Variants in CDH12 observed in about 807,000 individuals in gnomAD.
CDH12 encodes the protein cadherin-12.
CDH12 carries 41 observed loss-of-function variants against 74.1 expected under a neutral mutation model. The ratio of observed to expected loss-of-function variants is 0.55; its 90% confidence interval spans 0.43 to 0.72. CDH12 has a LOEUF of 0.72. Ranked by LOEUF, CDH12 falls within the 30% of genes least tolerant of loss-of-function variation. The probability of loss-of-function intolerance (pLI) is 0.00; values close to 1 mark genes in which losing one functional copy is unlikely to be tolerated. For synonymous variants in CDH12, 399 were observed against 355.0 expected, an observed-to-expected ratio of 1.12 and a Z score of -1.39; for missense variants, 945 against 977.2, an observed-to-expected ratio of 0.97 and a Z score of 0.44.
intron 10 of CDH12, among the ~76,000 whole-genome samples, chr5:21,798,472 G>C (rs987123392): frequency 2.0e-5 from 3 of 152,090 alleles, no homozygotes; most frequent in Non-Finnish European, 4.4e-5. Flanking sequence ...AGCTTTTTTA[G>C]AGTTCTCTCC....
chr5:22,026,690 T>G (rs1328709743), intron 5 of CDH12, among the ~76,000 whole-genome samples: 1 of 152,280 alleles, frequency 6.6e-6, no homozygotes, highest in East Asian at 1.9e-4. Flanking sequence ...TTCATTATAC[T>G]TATCCATATA....
chr5:21,765,218 T>C, intron 11 of CDH12, 119 bp from the exon 12 acceptor site: 1 of 787,554 alleles, frequency 1.3e-6, no homozygotes, highest in Non-Finnish European at 1.8e-6. Context: ...AAAAAATCCT[T>C]CTTATAGGAA....
intron 2 of CDH12, among the ~76,000 whole-genome samples, chr5:22,425,959 T>A (rs913807533): frequency 9.9e-5 from 15 of 151,854 alleles, no homozygotes; most frequent in Admixed American, 2.6e-4. Flanking sequence ...GAGGCTGAGG[T>A]GAGCGGATCA....
chr5:22,839,338 T>C (rs1212796842), intron 1 of CDH12, among the ~76,000 whole-genome samples: 1 of 150,660 alleles, frequency 6.6e-6, no homozygotes, highest in East Asian at 2.0e-4. Context: ...TAGTTTACAA[T>C]CAAAATTACT....
At chr5:22,480,339 T>C (rs1199910857) in intron 2 of CDH12, among the ~76,000 whole-genome samples, 1 of 151,956 alleles carries the variant, frequency 6.6e-6, no homozygotes, top group African/African-American at 2.4e-5. Flanking sequence ...TCCCAGCACT[T>C]TGCAAGGCCA....
chr5:21,954,556 T>C (rs995740), intron 6 of CDH12, among the ~76,000 whole-genome samples: 25,712 of 152,100 alleles, frequency 0.17, 2,546 homozygotes, highest in African/African-American at 0.27. Context: ...AAGTAATATT[T>C]TAAAAGTTGT....
chr5:22,307,487 T>C (rs1738163096), intron 3 of CDH12, among the ~76,000 whole-genome samples: 1 of 152,188 alleles, frequency 6.6e-6, no homozygotes, highest in Admixed American at 6.5e-5. Context: ...GATTTTCAAC[T>C]ATTTCTTCTT....
intron 8 of CDH12, among the ~76,000 whole-genome samples, chr5:21,832,905 TATG>T (rs1441586749): frequency 1.2e-4 from 10 of 81,924 alleles, no homozygotes; most frequent in African/African-American, 8.5e-4. Context: ...TCATATAATA[TATG>T]ATATAATATT....
chr5:21,897,778 C>T (rs185185009), intron 6 of CDH12, among the ~76,000 whole-genome samples: 1 of 152,118 alleles, frequency 6.6e-6, no homozygotes, highest in Non-Finnish European at 1.5e-5. Context: ...TTAAAAAATA[C>T]AAATAAAAGC....
At chr5:22,726,784 C>A (rs1689596475) in intron 1 of CDH12, among the ~76,000 whole-genome samples, 2 of 151,626 alleles carry the variant, frequency 1.3e-5, no homozygotes, top group Admixed American at 1.3e-4. Flanking sequence ...GAGCTTTCTT[C>A]CTGGACAAAA....
Position 22,387,095 on chromosome 5 carries a change from T to G in CDH12, c.-333+18162A>C, listed in dbSNP as rs369992227. On this transcript the variant is annotated intron_variant, in intron 3 of 14. Coordinates refer to ENST00000382254, the MANE Select transcript of CDH12 (RefSeq NM_004061.5). ...GGAAATTAAAATTAAAATTTGAGCT[T>G]CTTTTCTACAAACTGATGAAGTTAT... 4.3e-4 allele frequency among the ~76,000 whole-genome samples: 65 copies of G among 152,118 alleles called. No homozygotes were observed. In the South Asian group the frequency reaches 0.013, roughly 31 times the overall value.
At chr5:22,345,884 G>A (rs1740087181) in intron 3 of CDH12, among the ~76,000 whole-genome samples, 1 of 152,078 alleles carries the variant, frequency 6.6e-6, no homozygotes, top group South Asian at 2.1e-4. Flanking sequence ...CAGGCGGATC[G>A]CCTGAGGTCA....
intron 3 of CDH12, among the ~76,000 whole-genome samples, chr5:22,254,926 T>C (rs1042526986): frequency 6.6e-6 from 1 of 151,920 alleles, no homozygotes; most frequent in Non-Finnish European, 1.5e-5. Flanking sequence ...TTTTGAAATA[T>C]ACTGTAAATA....
chr5:22,160,020 C>A (rs1265114941), intron 4 of CDH12, among the ~76,000 whole-genome samples: 1 of 151,980 alleles, frequency 6.6e-6, no homozygotes, highest in Non-Finnish European at 1.5e-5. Context: ...AAAATATGTA[C>A]CAGGCCAATG....
At chr5:22,632,286 T>C (rs1738623336) in intron 1 of CDH12, among the ~76,000 whole-genome samples, 1 of 152,130 alleles carries the variant, frequency 6.6e-6, no homozygotes, top group Non-Finnish European at 1.5e-5. Flanking sequence ...CATTTAAACC[T>C]CTTCTTTTTA....
At chr5:22,447,664 T>C (rs1157802906) in intron 2 of CDH12, among the ~76,000 whole-genome samples, 1 of 152,084 alleles carries the variant, frequency 6.6e-6, no homozygotes, top group Admixed American at 6.6e-5. Flanking sequence ...ATAACACAAA[T>C]CTTTCAAGGT....
intron 1 of CDH12, among the ~76,000 whole-genome samples, chr5:22,588,448 G>A (rs1175673881): frequency 2.0e-5 from 3 of 152,186 alleles, no homozygotes; most frequent in South Asian, 2.1e-4. Context: ...TGAAGTTACC[G>A]AGCAATACGA....
intron 3 of CDH12, among the ~76,000 whole-genome samples, chr5:22,232,586 A>G (rs532571488): frequency 2.0e-5 from 3 of 151,730 alleles, no homozygotes; most frequent in African/African-American, 4.8e-5. Context: ...TGACTGTTCA[A>G]TGAAATGATT....
chr5:22,560,450 G>A (rs547693668), intron 1 of CDH12, among the ~76,000 whole-genome samples: 1 of 152,030 alleles, frequency 6.6e-6, no homozygotes, highest in Non-Finnish European at 1.5e-5. Context: ...GGTGCTTACT[G>A]TATCTCAGTT....
Sources: allele counts gnomAD v4.1 joint callset (sites outside exome capture counted in the v4.1 genomes callset), GRCh38; gene constraint gnomAD v4.1.1; transcripts MANE v1.5; gene names NCBI Gene and HGNC (gene_info 2026-07-23, HGNC 2026-07-21).